ZNF407: variants seen among roughly 807,000 people sequenced by gnomAD.
ZNF407 encodes the protein zinc finger protein 407.
A neutral mutation model predicts 131.2 loss-of-function variants in ZNF407; 17 were observed. The ratio of observed to expected loss-of-function variants is 0.13; its 90% CI spans 0.09 to 0.19. The LOEUF (loss-of-function observed/expected upper bound fraction) is 0.19, where lower values mean the gene tolerates loss of function less well. Ranked by LOEUF, ZNF407 falls within the 10% of genes least tolerant of loss-of-function variation. The pLI is 1.00. For synonymous variants in ZNF407, 1,156 were observed against 1,062.0 expected (o/e 1.09, Z -1.72); for missense variants, 2,681 against 2,830.6 (o/e 0.95, Z 1.20).
chr18:74,858,332 TCTTA>T (rs1271738172), intron 4 of ZNF407, among the ~76,000 whole-genome samples: 7 of 152,154 alleles, frequency 4.6e-5, no homozygotes, highest in African/African-American at 1.7e-4. Flanking sequence ...ATTAACCTCC[TCTTA>T]CTTATTGTTT....
intron 8 of ZNF407, among the ~76,000 whole-genome samples, chr18:74,979,413 T>C (rs1214304280): frequency 6.6e-6 from 1 of 152,158 alleles, no homozygotes; most frequent in African/African-American, 2.4e-5. Context: ...TACCTCAGCC[T>C]CCTGAGTAGC....
chr18:74,970,851 T>C (rs932720981), intron 8 of ZNF407, among the ~76,000 whole-genome samples: 1 of 152,340 alleles, frequency 6.6e-6, no homozygotes, highest in Middle Eastern at 3.4e-3. Context: ...ACCCCACATT[T>C]TCTTTGCACG....
At chr18:74,987,624 C>T (rs981749472) in intron 8 of ZNF407, among the ~76,000 whole-genome samples, 2 of 151,914 alleles carry the variant, frequency 1.3e-5, no homozygotes, top group African/African-American at 4.8e-5. Flanking sequence ...AGCTGCCTGT[C>T]TTGTGTGCCT....
chr18:74,893,556 G>GT (rs1168569253), intron 7 of ZNF407, among the ~76,000 whole-genome samples: 1 of 152,086 alleles, frequency 6.6e-6, no homozygotes, highest in Non-Finnish European at 1.5e-5. Context: ...TTACTTTCTT[G>GT]TTGATGTGAT....
intron 8 of ZNF407, among the ~76,000 whole-genome samples, chr18:74,958,852 G>T (rs763557487): frequency 1.3e-5 from 2 of 152,176 alleles, no homozygotes; most frequent in Non-Finnish European, 2.9e-5. Flanking sequence ...AAGTCACTGG[G>T]CATGTGACTT....
chr18:74,920,264 G>A (rs1341056777), intron 7 of ZNF407, among the ~76,000 whole-genome samples: 1 of 152,154 alleles, frequency 6.6e-6, no homozygotes. Context: ...TAAAATAATA[G>A]TGCTTGGGAT....
At chr18:74,617,683 CA>C (rs1983375549) in intron 1 of ZNF407, among the ~76,000 whole-genome samples, 1 of 152,156 alleles carries the variant, frequency 6.6e-6, no homozygotes, top group African/African-American at 2.4e-5. Context: ...CGTCTGGAGA[CA>C]CACTGTGTCC....
At chr18:74,889,797 T>C in intron 6 of ZNF407, 121 bp from the exon 7 acceptor site, 3 of 877,054 alleles carry the variant, frequency 3.4e-6, no homozygotes, top group Non-Finnish European at 5.2e-6. Flanking sequence ...GTGGAGTCCA[T>C]TGAATCATAT....
At chr18:74,814,570 G>C (rs1289400980) in intron 4 of ZNF407, among the ~76,000 whole-genome samples, 2 of 150,450 alleles carry the variant, frequency 1.3e-5, no homozygotes, top group Non-Finnish European at 3.0e-5. Context: ...AGAACAATCA[G>C]TATGATTTTA....
In ZNF407 at chr18:74,835,629, GGTGT is replaced by G. The variant is rs60463192; in HGVS notation, c.4878-41533_4878-41530del. 7.9e-3 allele frequency among the ~76,000 whole-genome samples: 732 copies of G among 92,172 alleles called. 3 individuals are homozygous for G. The highest frequency in any genetic ancestry group is 0.014 in the African/African-American group (239 of 17,344). The allele number at this position is 92,172 out of a possible 152,430, so 60.5% of individuals were successfully genotyped here. On this transcript the variant is annotated intron_variant, in intron 4 of 8. Transcript: ENST00000299687. ...TGAGTTTGTGTCTTGGACAGAGGGG[GGTGT>G]GTGTGTGTGTGTGTGTGTGTGTGTG...
intron 8 of ZNF407, among the ~76,000 whole-genome samples, chr18:74,978,429 A>G (rs1322546592): frequency 1.3e-5 from 2 of 152,172 alleles, no homozygotes; most frequent in Non-Finnish European, 2.9e-5. Context: ...TGATTAAGAA[A>G]GATTCAGAAA....
intron 8 of ZNF407, among the ~76,000 whole-genome samples, chr18:74,950,417 C>T (rs1364119631): frequency 1.3e-5 from 2 of 152,142 alleles, no homozygotes; most frequent in Non-Finnish European, 2.9e-5. Flanking sequence ...ATTTCTGCTG[C>T]TCACATGGAG....
At chr18:74,850,022 C>T (rs1204470951) in intron 4 of ZNF407, among the ~76,000 whole-genome samples, 1 of 152,022 alleles carries the variant, frequency 6.6e-6, no homozygotes, top group African/African-American at 2.4e-5. Flanking sequence ...GAAAAATAGC[C>T]CCATTCATGA....
At position 74,993,365 on chromosome 18, in the gene ZNF407, G is replaced by T. The variant is rs1199925118; in HGVS notation, c.5429-69785G>T. ...TACATTATGGATGAGTCTCAAAAGT[G>T]TGCTAAGCAAAAGCGCAGACACAGA... On this transcript the variant is annotated intron_variant, in intron 8 of 8. Transcript: ENST00000299687. 5.3e-5 allele frequency among the ~76,000 whole-genome samples: 8 copies of T among 152,186 alleles called. No individual in the cohort carries two copies. The East Asian group carries it at 5.8e-4, about 11-fold the overall frequency.
intron 4 of ZNF407, among the ~76,000 whole-genome samples, chr18:74,850,681 C>T (rs1410641107): frequency 6.6e-6 from 1 of 152,174 alleles, no homozygotes; most frequent in Admixed American, 6.5e-5. Flanking sequence ...TGCTCAAATA[C>T]TATTCTATTA....
At chr18:75,059,890 G>C (rs765815455) in intron 8 of ZNF407, among the ~76,000 whole-genome samples, 12 of 152,224 alleles carry the variant, frequency 7.9e-5, no homozygotes, top group Admixed American at 5.2e-4. Flanking sequence ...TTTAAACTCT[G>C]ATCTTCCCTC....
intron 8 of ZNF407, among the ~76,000 whole-genome samples, chr18:74,987,523 C>G (rs367549791): frequency 3.7e-4 from 56 of 152,210 alleles, no homozygotes; most frequent in African/African-American, 1.3e-3. Flanking sequence ...TGATCGGGCT[C>G]TGTTTAAGCA....
At chr18:74,685,041 G>GTTGTCATAGTTGATAACTATGTTGA (rs1360957340) in intron 3 of ZNF407, among the ~76,000 whole-genome samples, 4 of 152,210 alleles carry the variant, frequency 2.6e-5, no homozygotes, top group South Asian at 4.1e-4. Flanking sequence ...TACTATAACA[G>GTTGTCATAGTTGATAACTATGTTGA]TAACTTTAAA....
At chr18:74,945,407 C>T (rs1490560493) in intron 8 of ZNF407, among the ~76,000 whole-genome samples, 2 of 151,988 alleles carry the variant, frequency 1.3e-5, no homozygotes, top group African/African-American at 4.8e-5. Flanking sequence ...TTTTGTTTTT[C>T]CCTCCCTTGC....
Sources: allele counts gnomAD v4.1 joint callset (sites outside exome capture counted in the v4.1 genomes callset), GRCh38; gene constraint gnomAD v4.1.1; transcripts MANE v1.5; gene names NCBI Gene and HGNC (gene_info 2026-07-23, HGNC 2026-07-21).